The following CDH10 variants were observed in gnomAD, a reference collection of about 807,000 sequenced individuals.
The protein encoded by CDH10 is cadherin 10, also known as cadherin-10.
CDH10 carries 30 observed loss-of-function variants against 73.1 expected under a neutral mutation model. The observed-to-expected ratio is 0.41, with a 90% confidence interval of 0.31 to 0.56. The LOEUF (loss-of-function observed/expected upper bound fraction) is 0.56, where lower values mean the gene tolerates loss of function less well. Ranked by LOEUF, CDH10 falls within the 20% of genes least tolerant of loss-of-function variation. CDH10 has a pLI of 0.27. For synonymous variants in CDH10, 345 were observed against 348.2 expected (o/e 0.99, Z 0.10); for missense variants, 815 against 973.7 (o/e 0.84, Z 2.17).
chr5:24,557,278 G>T (rs543752588), intron 2 of CDH10, among the ~76,000 whole-genome samples: 57 of 151,272 alleles, frequency 3.8e-4, no homozygotes, highest in Non-Finnish European at 6.2e-4. Context: ...AATTTTCTGG[G>T]TTTTTTTGTA....
intron 5 of CDH10, among the ~76,000 whole-genome samples, chr5:24,516,732 T>C (rs1205213810): frequency 6.6e-6 from 1 of 152,030 alleles, no homozygotes; most frequent in African/African-American, 2.4e-5. Context: ...GTCTTCATCA[T>C]TCCTTCAGCA....
intron 2 of CDH10, among the ~76,000 whole-genome samples, chr5:24,593,044 C>T (rs1746253073): frequency 6.6e-6 from 1 of 151,666 alleles, no homozygotes; most frequent in South Asian, 2.1e-4. Context: ...AGTTATTGGG[C>T]AGAATTAATT....
At chr5:24,615,118 C>T (rs1393705126) in intron 1 of CDH10, among the ~76,000 whole-genome samples, 1 of 152,176 alleles carries the variant, frequency 6.6e-6, no homozygotes, top group Non-Finnish European at 1.5e-5. Context: ...GCCTGTTTCT[C>T]CAAACTCCTT....
At chr5:24,495,994 T>G (rs1291089364) in intron 9 of CDH10, among the ~76,000 whole-genome samples, 1 of 152,152 alleles carries the variant, frequency 6.6e-6, no homozygotes, top group African/African-American at 2.4e-5. Flanking sequence ...AATGCTTCAG[T>G]GATCATATTA....
chr5:24,509,294 CA>C (rs3836783), intron 7 of CDH10, among the ~76,000 whole-genome samples: 15,441 of 120,214 alleles, frequency 0.13, 1,077 homozygotes, highest in Admixed American at 0.25. Flanking sequence ...GGCTGGAATG[CA>C]ATGGCACGAT....
At chr5:24,553,416 T>C (rs991616729) in intron 2 of CDH10, among the ~76,000 whole-genome samples, 4 of 152,092 alleles carry the variant, frequency 2.6e-5, no homozygotes, top group African/African-American at 9.7e-5. Context: ...TGCTCAGTCA[T>C]TTTGGAATTC....
chr5:24,532,845 A>T (rs1743797426), intron 5 of CDH10, among the ~76,000 whole-genome samples: 1 of 151,930 alleles, frequency 6.6e-6, no homozygotes, highest in Non-Finnish European at 1.5e-5. Flanking sequence ...GTGTCTATAG[A>T]TTAGTTGTGA....
intron 1 of CDH10, among the ~76,000 whole-genome samples, chr5:24,630,241 G>T (rs1163698585): frequency 3.9e-5 from 6 of 152,024 alleles, no homozygotes; most frequent in Non-Finnish European, 8.8e-5. Context: ...CTAGTGGCTG[G>T]AGAACTCAGG....
intron 2 of CDH10, among the ~76,000 whole-genome samples, chr5:24,583,825 A>T (rs1392649849): frequency 6.6e-6 from 1 of 152,118 alleles, no homozygotes. Context: ...TTGTATTTTT[A>T]GTAGAGATGG....
chr5:24,599,417 A>G (rs1325181923), intron 1 of CDH10, among the ~76,000 whole-genome samples: 3 of 152,166 alleles, frequency 2.0e-5, no homozygotes, highest in African/African-American at 7.2e-5. Context: ...TAGGACATCA[A>G]GAAAAAGAGC....
chr5:24,566,015 A>C (rs1371785421), intron 2 of CDH10, among the ~76,000 whole-genome samples: 1 of 152,174 alleles, frequency 6.6e-6, no homozygotes, highest in Non-Finnish European at 1.5e-5. Context: ...CTTGGTTTAC[A>C]GATCCAATAA....
intron 2 of CDH10, among the ~76,000 whole-genome samples, chr5:24,538,702 T>C (rs1345649842): frequency 6.6e-6 from 1 of 152,096 alleles, no homozygotes; most frequent in African/African-American, 2.4e-5. Flanking sequence ...GAGCCTCTTC[T>C]AAAACCTAGA....
At chr5:24,559,392 A>G (rs1744876205) in intron 2 of CDH10, among the ~76,000 whole-genome samples, 1 of 152,016 alleles carries the variant, frequency 6.6e-6, no homozygotes, top group Non-Finnish European at 1.5e-5. Context: ...AACATTCACA[A>G]TAAATTATCT....
rs186606752 is a variant in CDH10 at position 24,503,897 on chromosome 5, A to C, written c.1393+1215T>G. On this transcript the variant is annotated intron_variant, in intron 8 of 11. Transcript: ENST00000264463. ...CCTCATCTGTAAAAGAGAAGTAGTA[A>C]TATCTACCTACAGGCTTGTTCATAA... is the stretch of plus-strand genomic sequence containing the variant. 3.5e-3 allele frequency among the ~76,000 whole-genome samples: 526 copies of C among 152,310 alleles called. 2 individuals are homozygous for C. Among genetic ancestry groups the C allele is most frequent in the Admixed American group, 6.3e-3 (97 of 15,304 alleles).
intron 2 of CDH10, among the ~76,000 whole-genome samples, chr5:24,569,672 T>C (rs111427007): frequency 0.015 from 2,211 of 152,218 alleles, 63 homozygotes; most frequent in African/African-American, 0.051. Flanking sequence ...TTTTAGCAGA[T>C]AACATTTCAG....
chr5:24,505,541 C>T (rs1051651073), intron 7 of CDH10, among the ~76,000 whole-genome samples: 6 of 152,174 alleles, frequency 3.9e-5, no homozygotes, highest in African/African-American at 1.4e-4. Context: ...GGTCACAAAA[C>T]AGTTGGAATT....
chr5:24,628,770 A>G (rs575536074), intron 1 of CDH10, among the ~76,000 whole-genome samples: 1 of 151,952 alleles, frequency 6.6e-6, no homozygotes, highest in East Asian at 1.9e-4. Flanking sequence ...AAACTTCCAT[A>G]TTCATTCCTG....
At chr5:24,577,015 A>G (rs1249988464) in intron 2 of CDH10, among the ~76,000 whole-genome samples, 2 of 151,972 alleles carry the variant, frequency 1.3e-5, no homozygotes, top group Non-Finnish European at 2.9e-5. Flanking sequence ...TTAAAAAAAA[A>G]AAACCCAAAC....
At chr5:24,596,822 T>C (rs1044129810) in intron 1 of CDH10, among the ~76,000 whole-genome samples, 8 of 151,972 alleles carry the variant, frequency 5.3e-5, no homozygotes, top group Admixed American at 4.6e-4. Flanking sequence ...GTCTCTTTAA[T>C]TAACTGATAT....
Sources: allele counts gnomAD v4.1 joint callset (sites outside exome capture counted in the v4.1 genomes callset), GRCh38; gene constraint gnomAD v4.1.1; transcripts MANE v1.5; gene names NCBI Gene and HGNC (gene_info 2026-07-23, HGNC 2026-07-21).